ATRN: variants seen among roughly 807,000 people sequenced by gnomAD.
ATRN encodes attractin-2.
Under a neutral mutation model 178.7 loss-of-function variants are expected in ATRN, and 54 were observed. The ratio of observed to expected loss-of-function variants is 0.30; its 90% CI spans 0.24 to 0.38. ATRN has a LOEUF of 0.38. ATRN is among the 10% of genes least tolerant of loss of function. The pLI, the probability that ATRN is intolerant of heterozygous loss-of-function variation, is 1.00. For synonymous variants in ATRN, 636 were observed against 663.0 expected, an observed-to-expected ratio of 0.96 and a Z score of 0.63; for missense variants, 1,443 against 1,815.1, an observed-to-expected ratio of 0.79 and a Z score of 3.73.
rs577465960 is a variant in ATRN at position 3,638,479 on chromosome 20, G to A, written c.3943-349G>A. Reference sequence around the variant, plus strand: ...ATATGAACTCATTTATTTTATGGCCGCATAGTATTCCATGGTGTATATGTG... The same window carrying A: ...ATATGAACTCATTTATTTTATGGCCACATAGTATTCCATGGTGTATATGTG... On this transcript the variant is annotated intron_variant, in intron 26 of 28. Coordinates refer to ENST00000262919, the MANE Select transcript of ATRN (RefSeq NM_139321.3). The surrounding 1 kb of genome is among the most constrained non-coding windows in gnomAD (Gnocchi z 4.5). Among the ~76,000 whole-genome samples, 7 of 152,286 alleles carry A rather than the reference G, an allele frequency of 4.6e-5. No individual in the cohort carries two copies. Among genetic ancestry groups the A allele is most frequent in the East Asian group, 1.9e-4 (1 of 5,182 alleles).
intron 25 of ATRN, among the ~76,000 whole-genome samples, chr20:3,631,684 C>T (rs1021165529): frequency 6.6e-6 from 1 of 152,144 alleles, no homozygotes; most frequent in Non-Finnish European, 1.5e-5. Flanking sequence ...GAAGCAGGCA[C>T]AGACTGTATT....
intron 28 of ATRN, among the ~76,000 whole-genome samples, chr20:3,644,881 G>A (rs1812717330): frequency 6.6e-6 from 1 of 152,086 alleles, no homozygotes; most frequent in South Asian, 2.1e-4. Flanking sequence ...TTCCAGCCCT[G>A]GCCAGCAATT....
intron 1 of ATRN, among the ~76,000 whole-genome samples, chr20:3,495,550 A>C (rs1000756690): frequency 3.3e-5 from 5 of 152,232 alleles, no homozygotes; most frequent in Admixed American, 3.3e-4. Context: ...CCAGAATACC[A>C]GCAGGTTAGC....
chr20:3,508,207 T>TA lies in ATRN; in HGVS notation c.411-27034dup, dbSNP rs938499194. ...CAGTTTTAAAAATTTATTTTCTTATTAAAAAAAAAAAAGCAAGGACAAGAC... is the reference window on the plus strand; with the variant it reads ...CAGTTTTAAAAATTTATTTTCTTATTAAAAAAAAAAAAAGCAAGGACAAGAC... On this transcript the variant is annotated intron_variant, in intron 1 of 28. Coordinates refer to ENST00000262919, the MANE Select transcript of ATRN (RefSeq NM_139321.3). 8.0e-3 allele frequency among the ~76,000 whole-genome samples: 1,111 copies of TA among 139,744 alleles called. 4 individuals carry two copies. The highest frequency in any genetic ancestry group is 0.016 in the African/African-American group (623 of 38,064). 91.7% of individuals were successfully genotyped at this position (139,744 alleles called of 152,430 possible).
intron 2 of ATRN, among the ~76,000 whole-genome samples, chr20:3,535,624 CACATAT>C (rs1402782254): frequency 8.4e-5 from 12 of 143,210 alleles, no homozygotes; most frequent in South Asian, 4.4e-4. Flanking sequence ...CACACACACA[CACATAT>C]ATATTTATTT....
chr20:3,612,793 C>G (rs963053686), intron 24 of ATRN, among the ~76,000 whole-genome samples: 1 of 152,248 alleles, frequency 6.6e-6, no homozygotes, highest in East Asian at 1.9e-4. Flanking sequence ...AATTGAACAT[C>G]GTGCTTTGTT....
rs891354217 is a variant in ATRN at position 3,644,088 on chromosome 20, C to T, written c.4051-66C>T. On this transcript the variant is annotated intron_variant, in intron 27 of 28. Coordinates refer to ENST00000262919, the MANE Select transcript of ATRN (RefSeq NM_139321.3). Reference sequence around the variant, plus strand: ...GATGGTTCTTATAAGCACAAATGACCGTTAAGTTGTCCGTATACATTAAAG... The same window carrying T: ...GATGGTTCTTATAAGCACAAATGACTGTTAAGTTGTCCGTATACATTAAAG... The T allele has an allele frequency of 1.2e-5, 15 of 1,207,218 alleles. 1 individual carries two copies. The highest frequency in any genetic ancestry group is 3.8e-4 in the Middle Eastern group (2 of 5,228). 74.8% of individuals were successfully genotyped at this position (1,207,218 alleles called of 1,614,324 possible). A position where few individuals can be genotyped will look rare whatever the true frequency, so the allele number is the denominator to read the frequency against.
At chr20:3,486,623 C>A (rs1179726497) in intron 1 of ATRN, among the ~76,000 whole-genome samples, 5 of 152,106 alleles carry the variant, frequency 3.3e-5, no homozygotes, top group Non-Finnish European at 5.9e-5. Flanking sequence ...CTCAAGTAAT[C>A]TGTCCGCCTT....
chr20:3,525,381 G>A (rs776906094), intron 1 of ATRN, among the ~76,000 whole-genome samples: 4 of 152,002 alleles, frequency 2.6e-5, no homozygotes, highest in Non-Finnish European at 4.4e-5. Context: ...GACTAATAAC[G>A]AGTTCTGAAA....
chr20:3,561,020 G>C, intron 8 of ATRN, 115 bp downstream of exon 8: 1 of 1,348,100 alleles, frequency 7.4e-7, no homozygotes, highest in Non-Finnish European at 1.0e-6. Context: ...ACTTTATCTT[G>C]AAACATAGTA....
At chr20:3,646,641 A>G (rs1341722203) in intron 28 of ATRN, 82 bp from the exon 29 acceptor site, 1 of 1,460,086 alleles carries the variant, frequency 6.8e-7, no homozygotes, top group East Asian at 2.5e-5. Flanking sequence ...ATGGGATTGA[A>G]AAATAAATGT....
Position 3,596,269 on chromosome 20 carries a change from A to G in ATRN, c.3417-108A>G. The G allele has an allele frequency of 4.3e-6, 5 of 1,168,416 alleles. No homozygotes were observed. The South Asian group carries it at 6.9e-5, about 16-fold the overall frequency. 72.4% of individuals were successfully genotyped at this position (1,168,416 alleles called of 1,614,324 possible). A position where few individuals can be genotyped will look rare whatever the true frequency, so the allele number is the denominator to read the frequency against. The stretch of plus-strand genomic sequence containing the variant: ...GAGTTATGGTGAAGGATGCAATTAT[A>G]ATGGCTCCAGACTATCTGTACTTTA... On this transcript the variant is annotated intron_variant, in intron 20 of 28. Transcript: ENST00000262919.
At chr20:3,528,354 G>A (rs982518139) in intron 1 of ATRN, among the ~76,000 whole-genome samples, 2 of 146,652 alleles carry the variant, frequency 1.4e-5, no homozygotes, top group Non-Finnish European at 3.0e-5. Flanking sequence ...GCAACAGGGC[G>A]AAACTCCGTC....
At chr20:3,478,518 A>G (rs899366246) in intron 1 of ATRN, among the ~76,000 whole-genome samples, 1 of 152,040 alleles carries the variant, frequency 6.6e-6, no homozygotes, top group Non-Finnish European at 1.5e-5. Flanking sequence ...GGGGAACATC[A>G]CACACTGGGG....
intron 6 of ATRN, among the ~76,000 whole-genome samples, chr20:3,558,419 T>TTA (rs1340854146): frequency 3.9e-5 from 6 of 152,140 alleles, no homozygotes; most frequent in African/African-American, 1.4e-4. Flanking sequence ...ATAAACTTTC[T>TTA]TATACCTTTA....
At position 3,582,399 on chromosome 20, in the gene ATRN, G is replaced by C. The variant is rs767012128; in HGVS notation, c.2764+45G>C. The C allele has an allele frequency of 8.3e-6, 13 of 1,562,068 alleles. No individual in the cohort carries two copies. In the East Asian group the frequency reaches 2.9e-4, roughly 35 times the overall value. ...AGGTGGTATTCAGAGTTTATTGTGA[G>C]AGAAACCATAGGAGGCATAGTTCAT... On this transcript the variant is annotated intron_variant, in intron 16 of 28. Coordinates refer to ENST00000262919, the MANE Select transcript of ATRN (RefSeq NM_139321.3).
intron 1 of ATRN, among the ~76,000 whole-genome samples, chr20:3,515,032 CTG>C (rs1390009033): frequency 3.9e-5 from 6 of 152,170 alleles, no homozygotes. Flanking sequence ...AACTATCACA[CTG>C]TGTGGGGAAA....
intron 26 of ATRN, among the ~76,000 whole-genome samples, chr20:3,634,621 G>A (rs369503738): frequency 2.6e-5 from 4 of 152,154 alleles, no homozygotes; most frequent in Non-Finnish European, 5.9e-5. Flanking sequence ...CTTACCTTCC[G>A]AAAAGGAAAC....
chr20:3,561,874 C>T (rs529853407), intron 8 of ATRN, among the ~76,000 whole-genome samples: 203 of 151,824 alleles, frequency 1.3e-3, no homozygotes, highest in South Asian at 4.0e-3. Flanking sequence ...ACTACAGGTG[C>T]GTGCCACCAC....
Sources: allele counts gnomAD v4.1 joint callset (sites outside exome capture counted in the v4.1 genomes callset), GRCh38; gene constraint gnomAD v4.1.1; non-coding constraint Gnocchi (gnomAD v3.1); transcripts MANE v1.5; gene names NCBI Gene and HGNC (gene_info 2026-07-23, HGNC 2026-07-21).